Variants in ARID5B observed in about 807,000 individuals in gnomAD.
The protein encoded by ARID5B is AT-rich interaction domain 5B, also known as AT-rich interactive domain-containing protein 5B.
In ARID5B, 13 loss-of-function variants were observed where a neutral mutation model predicts 97.2. The observed-to-expected ratio is 0.13, with a 90% CI of 0.09 to 0.21. ARID5B has a LOEUF of 0.21. ARID5B is among the 10% of genes least tolerant of loss of function. The pLI, the probability that ARID5B is intolerant of heterozygous loss-of-function variation, is 1.00. For missense variants in ARID5B, 1,210 were observed against 1,465.3 expected (o/e 0.83, Z 2.84); for synonymous variants, 556 against 570.3 (o/e 0.97, Z 0.36).
intron 2 of ARID5B, among the ~76,000 whole-genome samples, chr10:61,928,184 G>T (rs1034106625): frequency 2.0e-5 from 3 of 152,164 alleles, no homozygotes; most frequent in Non-Finnish European, 4.4e-5. Context: ...CCCAGGAGTG[G>T]TGATGGCTGA....
intron 3 of ARID5B, among the ~76,000 whole-genome samples, chr10:61,952,583 T>G (rs1838338014): frequency 6.6e-6 from 1 of 152,256 alleles, no homozygotes. Context: ...TTCTCTGTTC[T>G]TAGTCTACTT....
chr10:61,996,127 A>G (rs1838992038), intron 3 of ARID5B, among the ~76,000 whole-genome samples: 1 of 152,186 alleles, frequency 6.6e-6, no homozygotes, highest in Non-Finnish European at 1.5e-5. Context: ...CATGCATAGA[A>G]AGTAGAAAGT....
At chr10:62,024,160 G>C (rs189020053) in intron 4 of ARID5B, among the ~76,000 whole-genome samples, 1 of 152,286 alleles carries the variant, frequency 6.6e-6, no homozygotes, top group Non-Finnish European at 1.5e-5. Flanking sequence ...TTATGTACCA[G>C]ATAATCCATG....
At chr10:61,975,911 A>G (rs995576834) in intron 3 of ARID5B, among the ~76,000 whole-genome samples, 2 of 152,168 alleles carry the variant, frequency 1.3e-5, no homozygotes, top group Admixed American at 1.3e-4. Context: ...CTTTGTATTT[A>G]TTACTTCTTC....
intron 3 of ARID5B, among the ~76,000 whole-genome samples, chr10:61,962,944 T>C (rs1838491869): frequency 6.6e-6 from 1 of 152,222 alleles, no homozygotes; most frequent in South Asian, 2.1e-4. Context: ...TTTTTAATGT[T>C]AGTAGAAACT....
intron 2 of ARID5B, among the ~76,000 whole-genome samples, chr10:61,906,922 A>G (rs1843717784): frequency 6.6e-6 from 1 of 152,244 alleles, no homozygotes; most frequent in African/African-American, 2.4e-5. Flanking sequence ...ATAAGTTAAT[A>G]TATGTAAAAT....
chr10:62,048,782 C>A (rs1283469207), intron 4 of ARID5B, among the ~76,000 whole-genome samples: 1 of 152,176 alleles, frequency 6.6e-6, no homozygotes, highest in Non-Finnish European at 1.5e-5. Flanking sequence ...GATTTGAAAG[C>A]TTTTCTAGAA....
chr10:62,047,022 G>GTT (rs1443783107), intron 4 of ARID5B: 1 of 151,862 alleles, frequency 6.6e-6, no homozygotes. Context: ...GTGTGTGTGT[G>GTT]TGTGTCTGTG....
intron 4 of ARID5B, chr10:62,049,400 A>G: frequency 6.5e-7 from 1 of 1,549,924 alleles, no homozygotes; most frequent in Non-Finnish European, 8.7e-7. Flanking sequence ...CGAGACTTCC[A>G]GGGATGTGGC....
Position 62,057,287 on chromosome 10 carries a change from A to C in ARID5B, c.1017A>C (p.Ile339=). The stretch of plus-strand genomic sequence containing the variant: ...ACATGAAAGAAAGGAAAACGCCGAT[A>C]GAACGAATACCCTATTTAGGTTTTA... ...YKYMKERKTP[I]ERIPYLGFKQ... is the part of the protein sequence containing the mutation. Residue 339 remains isoleucine, a synonymous_variant, in exon 6 of 10, where the codon ATA becomes ATC. Coordinates refer to ENST00000279873, the MANE Select transcript of ARID5B (RefSeq NM_032199.3). 1 of 1,613,844 alleles carries C rather than the reference A, an allele frequency of 6.2e-7. No homozygotes were observed. Among genetic ancestry groups the C allele is most frequent in the Non-Finnish European group, 8.5e-7 (1 of 1,179,760 alleles).
intron 2 of ARID5B, among the ~76,000 whole-genome samples, chr10:61,914,530 T>G (rs923109399): frequency 2.0e-5 from 3 of 152,208 alleles, no homozygotes; most frequent in African/African-American, 4.8e-5. Context: ...CTCCATACAT[T>G]GTAGTCTTAA....
Position 62,092,605 on chromosome 10 carries a change from GAGC to G in ARID5B, c.3145_3147del (p.Gln1049del), listed in dbSNP as rs1840398820. 1 of 1,614,178 alleles carries G rather than the reference GAGC, an allele frequency of 6.2e-7. No homozygotes were observed. The highest frequency in any genetic ancestry group is 1.3e-5 in the African/African-American group (1 of 75,056). On this transcript the variant is annotated inframe_deletion, in exon 10 of 10. Transcript: ENST00000279873. The stretch of plus-strand genomic sequence containing the variant: ...GGTCTCTGGGAAGGAGAAGGCCTCT[GAGC>G]AGGAGAGTGAAGGCAGCAAAGCAGC...
At chr10:61,966,393 C>A (rs890844696) in intron 3 of ARID5B, among the ~76,000 whole-genome samples, 1 of 152,124 alleles carries the variant, frequency 6.6e-6, no homozygotes, top group Non-Finnish European at 1.5e-5. Context: ...ACAGTGAATG[C>A]TCTCCCTAGT....
intron 3 of ARID5B, among the ~76,000 whole-genome samples, chr10:61,946,786 T>C (rs1838244037): frequency 6.6e-6 from 1 of 152,052 alleles, no homozygotes; most frequent in Non-Finnish European, 1.5e-5. Flanking sequence ...CCGGGCATGG[T>C]GGCATGCGCC....
At chr10:61,910,558 C>T (rs1843784582) in intron 2 of ARID5B, among the ~76,000 whole-genome samples, 1 of 152,174 alleles carries the variant, frequency 6.6e-6, no homozygotes, top group African/African-American at 2.4e-5. Flanking sequence ...TTTTTCTGGC[C>T]ACGCTGTGTT....
At chr10:62,064,645 A>AT (rs1839962675) in intron 7 of ARID5B, among the ~76,000 whole-genome samples, 1 of 151,862 alleles carries the variant, frequency 6.6e-6, no homozygotes, top group African/African-American at 2.4e-5. Flanking sequence ...GGGACAGATT[A>AT]TTTTTCCACT....
chr10:62,089,206 T>C (rs910386345), intron 9 of ARID5B, among the ~76,000 whole-genome samples: 2 of 152,116 alleles, frequency 1.3e-5, no homozygotes, highest in African/African-American at 4.8e-5. Flanking sequence ...TGATTATTAA[T>C]GTAGAAGAAG....
intron 4 of ARID5B, among the ~76,000 whole-genome samples, chr10:62,028,674 G>A (rs1220979446): frequency 6.6e-6 from 1 of 152,126 alleles, no homozygotes; most frequent in Non-Finnish European, 1.5e-5. Flanking sequence ...AAAGCTCTTA[G>A]AAGGGGCTGG....
intron 3 of ARID5B, among the ~76,000 whole-genome samples, chr10:61,980,877 C>T (rs768250746): frequency 4.6e-5 from 7 of 152,152 alleles, no homozygotes; most frequent in Non-Finnish European, 1.0e-4. Flanking sequence ...ATGCCAGTAT[C>T]CCAAATATCA....
Sources: allele counts gnomAD v4.1 joint callset (sites outside exome capture counted in the v4.1 genomes callset), GRCh38; gene constraint gnomAD v4.1.1; transcripts MANE v1.5; gene names NCBI Gene and HGNC (gene_info 2026-07-23, HGNC 2026-07-21).